TVP23A: variants seen among roughly 807,000 people sequenced by gnomAD.
The protein encoded by TVP23A is trans-golgi network vesicle protein 23 homolog A.
In TVP23A, 21 loss-of-function variants were observed where a neutral mutation model predicts 31.7. That is an observed-to-expected ratio of 0.66 (90% confidence interval 0.47 to 0.95). The LOEUF (loss-of-function observed/expected upper bound fraction) is 0.95, where lower values mean the gene tolerates loss of function less well. Among genes scored for constraint, TVP23A ranks in the 40% least tolerant of loss-of-function variants. The pLI, the probability that TVP23A is intolerant of heterozygous loss-of-function variation, is 0.00. For synonymous variants in TVP23A, 104 were observed against 96.0 expected (o/e 1.08, Z -0.49); for missense variants, 279 against 255.6 (o/e 1.09, Z -0.62).
downstream of TVP23A, among the ~76,000 whole-genome samples, chr16:10,760,714 G>A (rs1388239598): frequency 1.3e-5 from 2 of 152,162 alleles, no homozygotes; most frequent in Non-Finnish European, 2.9e-5. Context: ...TCCAGACTGG[G>A]CAGCAGTGAG....
intron 2 of TVP23A, among the ~76,000 whole-genome samples, chr16:10,782,521 A>C (rs1337761975): frequency 1.3e-5 from 2 of 151,502 alleles, no homozygotes; most frequent in Non-Finnish European, 2.9e-5. Context: ...GTTTGTTTTT[A>C]AGACAGGGTC....
chr16:10,795,674 C>T (rs1360438196), intron 2 of TVP23A, among the ~76,000 whole-genome samples: 1 of 152,180 alleles, frequency 6.6e-6, no homozygotes, highest in Non-Finnish European at 1.5e-5. Flanking sequence ...CTTTTCTCTA[C>T]AAAGTGTACC....
At chr16:10,791,423 G>A (rs1180995766) in intron 2 of TVP23A, among the ~76,000 whole-genome samples, 3 of 152,106 alleles carry the variant, frequency 2.0e-5, no homozygotes, top group African/African-American at 7.2e-5. Flanking sequence ...ATGAAAATCA[G>A]CCCCCAAATT....
intron 2 of TVP23A, among the ~76,000 whole-genome samples, chr16:10,803,839 T>C (rs1355510354): frequency 6.6e-6 from 1 of 152,140 alleles, no homozygotes; most frequent in Non-Finnish European, 1.5e-5. Context: ...TAGATTAGGA[T>C]CTACAGGACA....
At chr16:10,763,391 G>C (rs1353231051), downstream of TVP23A, 1 of 152,376 alleles carries the variant, frequency 6.6e-6, no homozygotes, top group Non-Finnish European at 1.5e-5. Flanking sequence ...GATGGGAACA[G>C]CCCGGGAGAA....
chr16:10,782,413 G>C (rs191272600), intron 2 of TVP23A, among the ~76,000 whole-genome samples: 17 of 152,170 alleles, frequency 1.1e-4, no homozygotes, highest in African/African-American at 3.6e-4. Context: ...TAACTGTCTT[G>C]GTAAATTCTT....
chr16:10,772,380 T>C (rs544986506), intron 5 of TVP23A, among the ~76,000 whole-genome samples: 1 of 152,082 alleles, frequency 6.6e-6, no homozygotes, highest in Non-Finnish European at 1.5e-5. Flanking sequence ...TATTTATTGA[T>C]TTTTTTTAAG....
At chr16:10,766,304 G>A (rs138073723), downstream of TVP23A, among the ~76,000 whole-genome samples, 3 of 152,188 alleles carry the variant, frequency 2.0e-5, no homozygotes, top group South Asian at 2.1e-4. The surrounding 1 kb of genome is among the most constrained non-coding windows in gnomAD (Gnocchi z 4.8). Flanking sequence ...CTGCCAGGGT[G>A]GGGTGAGAGG....
chr16:10,761,433 G>A (rs745819659), exon 9 of TVP23A: 2 of 1,614,030 alleles, frequency 1.2e-6, no homozygotes, highest in Admixed American at 1.7e-5. Flanking sequence ...CATCATCGGG[G>A]TGGTGGAGAA....
At chr16:10,801,951 G>C (rs1310713823) in intron 2 of TVP23A, among the ~76,000 whole-genome samples, 1 of 152,032 alleles carries the variant, frequency 6.6e-6, no homozygotes, top group Non-Finnish European at 1.5e-5. Context: ...CAGGAGGATT[G>C]CTTGAGCCTA....
chr16:10,793,631 C>T (rs1165200793), intron 2 of TVP23A, among the ~76,000 whole-genome samples: 1 of 152,006 alleles, frequency 6.6e-6, no homozygotes, highest in Non-Finnish European at 1.5e-5. Flanking sequence ...TACGGTGGCT[C>T]ACGTCTGTAA....
At chr16:10,765,037 C>A (rs971583607), downstream of TVP23A, 1 of 156,778 alleles carries the variant, frequency 6.4e-6, no homozygotes, top group African/African-American at 2.4e-5. This position sits in a 1 kb window ranked among gnomAD's most constrained non-coding sequence, Gnocchi z 4.0. Context: ...GCCCGAGTGC[C>A]ATGCTCGTCT....
chr16:10,811,903 C>CAAACAA (rs2034220669), intron 2 of TVP23A, among the ~76,000 whole-genome samples: 1 of 42,282 alleles, frequency 2.4e-5, no homozygotes, highest in Non-Finnish European at 5.1e-5. Flanking sequence ...GACTCCGTCT[C>CAAACAA]AAAAAAAAAA....
intron 2 of TVP23A, among the ~76,000 whole-genome samples, chr16:10,816,925 TCACA>T (rs58142989): frequency 0.46 from 67,402 of 145,634 alleles, 16,584 homozygotes; most frequent in Middle Eastern, 0.58. Context: ...CAGGGAAACT[TCACA>T]CACACACACA....
At position 10,768,977 on chromosome 16, in the gene TVP23A, C is replaced by T. The variant is rs2031300888; in HGVS notation, c.*125G>A. 2 of 1,415,302 alleles carry T rather than the reference C, an allele frequency of 1.4e-6. No individual in the cohort carries two copies. Among genetic ancestry groups the T allele is most frequent in the Non-Finnish European group, 2.0e-6 (2 of 1,002,064 alleles). 87.7% of individuals were successfully genotyped at this position (1,415,302 alleles called of 1,614,324 possible). On this transcript the variant is annotated 3_prime_UTR_variant, in exon 8 of 8. Transcript: ENST00000299866. This position sits in a 1 kb window ranked among gnomAD's most constrained non-coding sequence, Gnocchi z 4.3. ...ACCCCTGTCAAAACACAGCCCTCCC[C>T]AGCACAGGACAGGGCTGTCAAGGGG... is the stretch of plus-strand genomic sequence containing the variant.
Position 10,818,540 on chromosome 16 carries a change from C to A in TVP23A, c.-47G>T. ...GGCGCCCAGGCCCGGGGCTCCAGCTCCGCCCGTCGCCGCTGAAGGGGTCGG... is the reference window on the plus strand; with the variant it reads ...GGCGCCCAGGCCCGGGGCTCCAGCTACGCCCGTCGCCGCTGAAGGGGTCGG... On this transcript the variant is annotated 5_prime_UTR_variant, in exon 1 of 8. Coordinates refer to ENST00000299866, the MANE Select transcript of TVP23A (RefSeq NM_001079512.4). This position sits in a 1 kb window ranked among gnomAD's most constrained non-coding sequence, Gnocchi z 4.7. The A allele has an allele frequency of 1.9e-6, 3 of 1,587,882 alleles. No homozygotes were observed. Among genetic ancestry groups the A allele is most frequent in the Admixed American group, 1.7e-5 (1 of 58,110 alleles).
chr16:10,764,354 TCAGTCTGCTGGAGTATGC>T (rs939937261), downstream of TVP23A, among the ~76,000 whole-genome samples: 1 of 152,126 alleles, frequency 6.6e-6, no homozygotes, highest in Non-Finnish European at 1.5e-5. Flanking sequence ...TTGGAGCATC[TCAGTCTGCTGGAGTATGC>T]CAGTCTGTTG....
intron 2 of TVP23A, among the ~76,000 whole-genome samples, chr16:10,815,053 T>C (rs958769127): frequency 3.9e-5 from 6 of 152,160 alleles, no homozygotes; most frequent in African/African-American, 1.4e-4. Context: ...CCTCCTTCTC[T>C]GGCCAGGATA....
At chr16:10,809,160 C>T (rs1567316030) in intron 2 of TVP23A, among the ~76,000 whole-genome samples, 1 of 152,204 alleles carries the variant, frequency 6.6e-6, no homozygotes, top group South Asian at 2.1e-4. Flanking sequence ...ACACATTGTG[C>T]ACCTCATTTA....
Sources: allele counts gnomAD v4.1 joint callset (sites outside exome capture counted in the v4.1 genomes callset), GRCh38; gene constraint gnomAD v4.1.1; non-coding constraint Gnocchi (gnomAD v3.1); transcripts MANE v1.5; gene names NCBI Gene and HGNC (gene_info 2026-07-23, HGNC 2026-07-21).